MAPKAPK3: variants seen among roughly 807,000 people sequenced by gnomAD.
The protein encoded by MAPKAPK3 is MAPK activated protein kinase 3.
In MAPKAPK3, 35 loss-of-function variants were observed where a neutral mutation model predicts 49.2. The ratio of observed to expected loss-of-function variants is 0.71; its 90% CI spans 0.54 to 0.94. The LOEUF is 0.94. MAPKAPK3 is among the 40% of genes least tolerant of loss of function. The probability of loss-of-function intolerance (pLI) is 0.00; values close to 1 mark genes in which losing one functional copy is unlikely to be tolerated. For missense variants in MAPKAPK3, 398 were observed against 493.1 expected (o/e 0.81, Z 1.83); for synonymous variants, 178 against 188.7 (o/e 0.94, Z 0.46).
At chr3:50,641,449 A>T (rs1221719496) in intron 3 of MAPKAPK3, among the ~76,000 whole-genome samples, 1 of 152,194 alleles carries the variant, frequency 6.6e-6, no homozygotes. Flanking sequence ...GGGCCGTGCC[A>T]CTGGGAACAC....
chr3:50,616,139 G>T (rs1056556099), upstream of MAPKAPK3, among the ~76,000 whole-genome samples: 5 of 152,188 alleles, frequency 3.3e-5, no homozygotes, highest in Admixed American at 2.0e-4. Flanking sequence ...CAGAGCCCCT[G>T]CGCTGAGCCG....
Position 50,646,581 on chromosome 3 carries a change from T to G in MAPKAPK3, c.830-159T>G, listed in dbSNP as rs563247400. Among the ~76,000 whole-genome samples the G allele has an allele frequency of 2.3e-3, 346 of 152,356 alleles. 1 individual carries two copies. Among genetic ancestry groups the G allele is most frequent in the Non-Finnish European group, 3.5e-3 (238 of 68,030 alleles). ...AACCAATTATCCTGAACACTTAGTG[T>G]TTCAAAACAAGAAATAGTTGTTAGC... On this transcript the variant is annotated intron_variant, in intron 8 of 10. Coordinates refer to ENST00000621469, the MANE Select transcript of MAPKAPK3 (RefSeq NM_001243925.2).
chr3:50,637,958 G>A (rs1182375220), intron 2 of MAPKAPK3, among the ~76,000 whole-genome samples: 2 of 152,178 alleles, frequency 1.3e-5, no homozygotes, highest in African/African-American at 4.8e-5. Flanking sequence ...AGGTGGGAAA[G>A]GAAGGCAAGC....
chr3:50,617,823 G>C, intron 2 of MAPKAPK3, 39 bp downstream of exon 2: 1 of 1,518,128 alleles, frequency 6.6e-7, no homozygotes, highest in Non-Finnish European at 9.1e-7. Flanking sequence ...TATCCTGGAG[G>C]GTCCACAGCG....
chr3:50,622,878 A>G (rs1245304902), intron 2 of MAPKAPK3, among the ~76,000 whole-genome samples: 2 of 152,200 alleles, frequency 1.3e-5, no homozygotes, highest in Non-Finnish European at 2.9e-5. Flanking sequence ...CAGAATGCCA[A>G]AAGGAAGATA....
At chr3:50,646,006 T>C in intron 7 of MAPKAPK3, 134 bp from the exon 8 acceptor site, 1 of 1,234,380 alleles carries the variant, frequency 8.1e-7, no homozygotes, top group East Asian at 2.3e-5. Flanking sequence ...GGGATGTGCC[T>C]GGGAGTCCGG....
rs759957245 is a variant in MAPKAPK3 at position 50,617,648 on chromosome 3, C to T, written c.83C>T (p.Pro28Leu). The T allele has an allele frequency of 8.1e-6, 13 of 1,609,388 alleles. No individual in the cohort carries two copies. The highest frequency in any genetic ancestry group is 6.7e-5 in the Admixed American group (4 of 59,978). Residue 28 changes from proline to leucine, a missense_variant, in exon 2 of 11, where the codon CCG becomes CTG. Transcript: ENST00000621469. ...GGCGGACCCGGCTTGGGCGGTGCTCCGGGGGGGCGGCGGGAGCCCAAGAAG... is the reference window on the plus strand; with the variant it reads ...GGCGGACCCGGCTTGGGCGGTGCTCTGGGGGGGCGGCGGGAGCCCAAGAAG... ...APGGPGLGGA[P>L]GGRREPKKYA...
upstream of MAPKAPK3, among the ~76,000 whole-genome samples, chr3:50,614,739 A>T (rs534927082): frequency 6.6e-5 from 10 of 152,260 alleles, no homozygotes; most frequent in East Asian, 1.9e-3. Flanking sequence ...CACTAAGGGA[A>T]ACCACATATT....
At chr3:50,628,822 G>A (rs1246867475) in intron 2 of MAPKAPK3, among the ~76,000 whole-genome samples, 1 of 152,184 alleles carries the variant, frequency 6.6e-6, no homozygotes, top group Non-Finnish European at 1.5e-5. Flanking sequence ...GAGGAGAGTG[G>A]GTGCCCAGTT....
At position 50,636,094 on chromosome 3, in the gene MAPKAPK3, G is replaced by T. The variant is rs150151525; in HGVS notation, c.220-4272G>T. Among the ~76,000 whole-genome samples the T allele has an allele frequency of 7.6e-3, 1,159 of 152,114 alleles. 123 individuals are homozygous for T. In the East Asian group the frequency reaches 0.2, roughly 26 times the overall value. ...TCACTGCACTCCAGCCTGGGTGACA[G>T]AGCAAGATTCTGTCTCAAAAAAAAA... On this transcript the variant is annotated intron_variant, in intron 2 of 10. Coordinates refer to ENST00000621469, the MANE Select transcript of MAPKAPK3 (RefSeq NM_001243925.2).
chr3:50,615,693 T>A (rs1468232284), upstream of MAPKAPK3, among the ~76,000 whole-genome samples: 1 of 152,184 alleles, frequency 6.6e-6, no homozygotes, highest in East Asian at 1.9e-4. Context: ...GGAGAGCACA[T>A]TCCCAGCATC....
intron 4 of MAPKAPK3, 38 bp downstream of exon 4, chr3:50,641,809 G>A: frequency 1.3e-6 from 2 of 1,576,796 alleles, no homozygotes; most frequent in South Asian, 1.1e-5. Context: ...AGGATTCAGG[G>A]TGAGAGGTAT....
intron 2 of MAPKAPK3, among the ~76,000 whole-genome samples, chr3:50,629,487 C>T (rs2032848929): frequency 6.6e-6 from 1 of 151,130 alleles, no homozygotes; most frequent in Non-Finnish European, 1.5e-5. Context: ...TGTGTGTGCT[C>T]TCATTCCCTC....
intron 2 of MAPKAPK3, among the ~76,000 whole-genome samples, chr3:50,619,585 T>C (rs1030313892): frequency 2.6e-5 from 4 of 152,056 alleles, no homozygotes. Flanking sequence ...TGTGCTAGGA[T>C]TGAGGGCAGG....
chr3:50,612,510 C>G (rs1396612666), upstream of MAPKAPK3: 1 of 152,188 alleles, frequency 6.6e-6, no homozygotes, highest in Non-Finnish European at 1.5e-5. Flanking sequence ...GTCACCACAG[C>G]CAGAAAGATC....
Position 50,647,204 on chromosome 3 carries a change from G to A in MAPKAPK3, c.996+1G>A, listed in dbSNP as rs1427145873. 1.9e-6 allele frequency: 3 copies of A among 1,583,386 alleles called. No homozygotes were observed. The highest frequency in any genetic ancestry group is 2.6e-6 in the Non-Finnish European group (3 of 1,164,352). On this transcript the variant is annotated splice_donor_variant, in intron 10 of 10. Coordinates refer to ENST00000621469, the MANE Select transcript of MAPKAPK3 (RefSeq NM_001243925.2). LOFTEE classifies it high-confidence loss of function. The stretch of plus-strand genomic sequence containing the variant: ...CAAAGACCACTGGGACGAAGTCAAG[G>A]TGGGTGGGCTCTGCCTCAGTCTCAA...
rs754340615 is a variant in MAPKAPK3, at chr3:50,640,518, G to A, written c.359+13G>A. On this transcript the variant is annotated intron_variant, in intron 3 of 10. Coordinates refer to ENST00000621469, the MANE Select transcript of MAPKAPK3 (RefSeq NM_001243925.2). Reference sequence around the variant, plus strand: ...TCATCATGGAATGGTATGCTGGCCTGCCCTGTCTCCACACCCCCTCGGCAT... The same window carrying A: ...TCATCATGGAATGGTATGCTGGCCTACCCTGTCTCCACACCCCCTCGGCAT... The A allele has an allele frequency of 1.0e-5, 16 of 1,597,580 alleles. No individual in the cohort carries two copies. Among genetic ancestry groups the A allele is most frequent in the Non-Finnish European group, 1.4e-5 (16 of 1,168,182 alleles).
At chr3:50,625,751 C>G (rs1021096923) in intron 2 of MAPKAPK3, among the ~76,000 whole-genome samples, 41 of 152,322 alleles carry the variant, frequency 2.7e-4, no homozygotes, top group African/African-American at 8.7e-4. Context: ...TGTCCCCGCT[C>G]TCCCGGGCCT....
At chr3:50,616,146 G>T (rs896638392), upstream of MAPKAPK3, among the ~76,000 whole-genome samples, 13 of 152,220 alleles carry the variant, frequency 8.5e-5, no homozygotes, top group Admixed American at 6.5e-5. Context: ...CCTGCGCTGA[G>T]CCGCACCTTC....
Sources: allele counts gnomAD v4.1 joint callset (sites outside exome capture counted in the v4.1 genomes callset), GRCh38; gene constraint gnomAD v4.1.1; transcripts MANE v1.5; gene names NCBI Gene and HGNC (gene_info 2026-07-23, HGNC 2026-07-21).